The following CAST variants were observed in gnomAD, a reference collection of about 807,000 sequenced individuals.
CAST encodes calpastatin, also known as MIR583 host.
Under a neutral mutation model 119.6 loss-of-function variants are expected in CAST, and 76 were observed. That is an observed-to-expected ratio of 0.64 (90% CI 0.53 to 0.77). The LOEUF is 0.77. CAST is among the 30% of genes least tolerant of loss of function. The probability of loss-of-function intolerance (pLI) is 0.00; values close to 1 mark genes in which losing one functional copy is unlikely to be tolerated. For missense variants in CAST, 953 were observed against 946.5 expected (o/e 1.01, Z -0.09); for synonymous variants, 319 against 331.6 (o/e 0.96, Z 0.41).
At chr5:96,632,104 C>T (rs1747827691) in intron 1 of CAST, among the ~76,000 whole-genome samples, 1 of 151,458 alleles carries the variant, frequency 6.6e-6, no homozygotes, top group Non-Finnish European at 1.5e-5. Context: ...TTATGTTGAT[C>T]ACCTTTCATG....
chr5:96,381,856 AG>A, the CAST span, among the ~76,000 whole-genome samples: 1 of 152,236 alleles, frequency 6.6e-6, no homozygotes, highest in Admixed American at 6.5e-5. Context: ...CTTTGAAATC[AG>A]TATAAGCAAT....
chr5:96,088,157 T>C, the CAST span, among the ~76,000 whole-genome samples: 8 of 152,334 alleles, frequency 5.3e-5, no homozygotes, highest in African/African-American at 1.9e-4. Context: ...GTGTTAGTAA[T>C]GCGTACTTAC....
At chr5:96,379,884 G>A in the CAST span, among the ~76,000 whole-genome samples, 6 of 152,128 alleles carry the variant, frequency 3.9e-5, no homozygotes, top group Non-Finnish European at 7.4e-5. Flanking sequence ...CATGGTGGCA[G>A]TTATTACCTG....
the CAST span, among the ~76,000 whole-genome samples, chr5:96,404,054 T>G: frequency 6.6e-6 from 1 of 152,230 alleles, no homozygotes; most frequent in Non-Finnish European, 1.5e-5. Flanking sequence ...TACAGCTTTC[T>G]TAGGTATACT....
the CAST span, among the ~76,000 whole-genome samples, chr5:96,452,956 C>CAAAAAA: frequency 0.048 from 2,985 of 62,374 alleles, 309 homozygotes; most frequent in East Asian, 0.33. Flanking sequence ...GACTCCGTCT[C>CAAAAAA]AAAAAAAAAA....
chr5:96,536,657 A>G (rs896545199), intron 1 of CAST, among the ~76,000 whole-genome samples: 3 of 152,184 alleles, frequency 2.0e-5, no homozygotes, highest in African/African-American at 4.8e-5. Flanking sequence ...CTTTCTCTAT[A>G]TTCATCACAT....
At chr5:96,536,593 C>A (rs1456183355) in intron 1 of CAST, among the ~76,000 whole-genome samples, 1 of 152,104 alleles carries the variant, frequency 6.6e-6, no homozygotes, top group Non-Finnish European at 1.5e-5. Flanking sequence ...GAGTAAGGTA[C>A]AGGTATGGCA....
chr5:96,032,064 A>T, the CAST span, among the ~76,000 whole-genome samples: 1 of 152,166 alleles, frequency 6.6e-6, no homozygotes, highest in Non-Finnish European at 1.5e-5. Context: ...GGTTTCCCCC[A>T]GAGTGAGTGC....
At chr5:96,053,194 A>G in the CAST span, among the ~76,000 whole-genome samples, 1 of 152,168 alleles carries the variant, frequency 6.6e-6, no homozygotes, top group African/African-American at 2.4e-5. Context: ...GAGGAGCCTG[A>G]AAAACTACTA....
the CAST span, among the ~76,000 whole-genome samples, chr5:96,378,324 T>C: frequency 6.6e-6 from 1 of 152,108 alleles, no homozygotes; most frequent in Admixed American, 6.5e-5. Flanking sequence ...GTCTTAAATG[T>C]TCTCACTGCA....
At chr5:96,022,102 A>C in the CAST span, among the ~76,000 whole-genome samples, 1 of 152,206 alleles carries the variant, frequency 6.6e-6, no homozygotes, top group Non-Finnish European at 1.5e-5. Flanking sequence ...TTTAGAACAT[A>C]TGGGAGGATG....
At chr5:96,592,342 A>G (rs1442027669) in intron 1 of CAST, among the ~76,000 whole-genome samples, 1 of 151,490 alleles carries the variant, frequency 6.6e-6, no homozygotes, top group Non-Finnish European at 1.5e-5. Flanking sequence ...TGGAGGTTGC[A>G]GTAAGCCGAG....
chr5:95,978,624 T>A, the CAST span, among the ~76,000 whole-genome samples: 3 of 152,214 alleles, frequency 2.0e-5, no homozygotes, highest in Non-Finnish European at 4.4e-5. Flanking sequence ...TAGTGTCTTT[T>A]CCTGTGCAGA....
At chr5:96,217,204 A>ATTT in the CAST span, among the ~76,000 whole-genome samples, 1 of 97,020 alleles carries the variant, frequency 1.0e-5, no homozygotes, top group East Asian at 3.5e-4. Context: ...ATGCTAGCTA[A>ATTT]TTTTTTTTTT....
At chr5:96,328,292 G>A in the CAST span, among the ~76,000 whole-genome samples, 2 of 151,730 alleles carry the variant, frequency 1.3e-5, no homozygotes, top group Non-Finnish European at 2.9e-5. Context: ...TTATTGCACT[G>A]GATGGAGTTA....
At chr5:96,260,144 G>C in the CAST span, among the ~76,000 whole-genome samples, 1 of 151,984 alleles carries the variant, frequency 6.6e-6, no homozygotes. Flanking sequence ...GTGTGAACTA[G>C]GGTTTAAAAC....
the CAST span, chr5:95,961,444 G>T: frequency 6.0e-5 from 71 of 1,189,476 alleles, no homozygotes; most frequent in East Asian, 1.2e-3. Context: ...GCCCTGCCCT[G>T]CCTGGCCGCT....
chr5:96,030,698 T>G, the CAST span, among the ~76,000 whole-genome samples: 1 of 152,172 alleles, frequency 6.6e-6, no homozygotes, highest in Non-Finnish European at 1.5e-5. Flanking sequence ...TTCTGGGATT[T>G]GCCATAGTAA....
chr5:96,366,429 A>G, the CAST span, among the ~76,000 whole-genome samples: 6 of 152,130 alleles, frequency 3.9e-5, no homozygotes, highest in Admixed American at 6.5e-5. Context: ...GTGTTTTCCA[A>G]TTTGGTTCCA....
Sources: allele counts gnomAD v4.1 joint callset (sites outside exome capture counted in the v4.1 genomes callset), GRCh38; gene constraint gnomAD v4.1.1; transcripts MANE v1.5; gene names NCBI Gene and HGNC (gene_info 2026-07-23, HGNC 2026-07-21).